Variants in LARGE1 observed in about 807,000 individuals in gnomAD.
LARGE1 encodes LARGE xylosyl- and glucuronyltransferase 1.
Under a neutral mutation model 87.6 loss-of-function variants are expected in LARGE1, and 43 were observed. That is an observed-to-expected ratio of 0.49 (90% CI 0.38 to 0.63). The LOEUF is 0.63. Ranked by LOEUF, LARGE1 falls within the 30% of genes least tolerant of loss-of-function variation. The pLI is 0.00. For synonymous variants in LARGE1, 434 were observed against 394.6 expected (o/e 1.10, Z -1.18); for missense variants, 802 against 1,000.2 (o/e 0.80, Z 2.67).
At position 33,478,598 on chromosome 22, in the gene LARGE1, G is replaced by A. The variant is rs146886436; in HGVS notation, c.788-46333C>T. ...AACTCAGTTTTGCCTTTTGCTATTTGCTACCTGTGACCTTGGCCAAGTCAA... is the reference window on the plus strand; with the variant it reads ...AACTCAGTTTTGCCTTTTGCTATTTACTACCTGTGACCTTGGCCAAGTCAA... On this transcript the variant is annotated intron_variant, in intron 6 of 14. Coordinates refer to ENST00000397394, the MANE Select transcript of LARGE1 (RefSeq NM_133642.5). Among the ~76,000 whole-genome samples, 816 of 152,322 alleles carry A rather than the reference G, an allele frequency of 5.4e-3. 3 individuals are homozygous for A. Among genetic ancestry groups the A allele is most frequent in the Non-Finnish European group, 8.3e-3 (565 of 68,026 alleles).
Position 33,741,461 on chromosome 22 carries a change from A to T in LARGE1, c.106+19910T>A, listed in dbSNP as rs552236177. 4.6e-5 allele frequency among the ~76,000 whole-genome samples: 7 copies of T among 152,374 alleles called. 1 individual carries two copies. The East Asian group carries it at 1.4e-3, about 29-fold the overall frequency. ...CTATAGAAAGACCAACAACTGAAGC[A>T]TCAAATATTAGTCACCTGGATTAGT... On this transcript the variant is annotated intron_variant, in intron 2 of 14. Transcript: ENST00000397394.
intron 9 of LARGE1, among the ~76,000 whole-genome samples, chr22:33,340,409 G>A (rs1326945340): frequency 6.6e-6 from 1 of 151,802 alleles, no homozygotes; most frequent in Non-Finnish European, 1.5e-5. Flanking sequence ...GGGTCCAAGG[G>A]GACAGGTTGA....
At chr22:33,128,599 C>A in the LARGE1 span, among the ~76,000 whole-genome samples, 3 of 149,050 alleles carry the variant, frequency 2.0e-5, no homozygotes, top group East Asian at 6.1e-4. Context: ...CTCTTGAACC[C>A]AGAAGTGGAG....
intron 1 of LARGE1, among the ~76,000 whole-genome samples, chr22:33,914,620 T>C (rs544115999): frequency 3.9e-5 from 6 of 152,290 alleles, no homozygotes; most frequent in Non-Finnish European, 7.3e-5. Flanking sequence ...AAAGACTTTG[T>C]GATTCTTTTC....
At chr22:33,570,782 A>C (rs752202706) in intron 5 of LARGE1, among the ~76,000 whole-genome samples, 7 of 152,096 alleles carry the variant, frequency 4.6e-5, no homozygotes, top group Non-Finnish European at 8.8e-5. Context: ...GTGATTAGCC[A>C]TGCAACCTTT....
chr22:33,634,942 C>T (rs1187801943), intron 3 of LARGE1, among the ~76,000 whole-genome samples: 1 of 151,884 alleles, frequency 6.6e-6, no homozygotes, highest in Admixed American at 6.6e-5. Flanking sequence ...CATGGTGAAA[C>T]CATTTCTACT....
intron 1 of LARGE1, among the ~76,000 whole-genome samples, chr22:33,784,958 TG>T (rs1345866715): frequency 2.0e-5 from 3 of 151,244 alleles, no homozygotes; most frequent in African/African-American, 7.3e-5. Flanking sequence ...CATGTGTACA[TG>T]GGTATATACA....
chr22:33,489,999 G>A (rs917078584), intron 6 of LARGE1, among the ~76,000 whole-genome samples: 5 of 152,124 alleles, frequency 3.3e-5, no homozygotes, highest in South Asian at 4.2e-4. Context: ...GCTAGAACAC[G>A]GTTTCCCCGC....
chr22:33,301,810 C>A (rs1934183370), intron 12 of LARGE1, among the ~76,000 whole-genome samples: 1 of 152,186 alleles, frequency 6.6e-6, no homozygotes, highest in Non-Finnish European at 1.5e-5. Context: ...TAGAAGGGCA[C>A]ACTAGCTACC....
At position 33,564,873 on chromosome 22, in the gene LARGE1, C is replaced by G; in HGVS notation, c.762G>C (p.Leu254=). The G allele has an allele frequency of 6.2e-7, 1 of 1,614,208 alleles. No individual in the cohort carries two copies. Among genetic ancestry groups the G allele is most frequent in the Non-Finnish European group, 8.5e-7 (1 of 1,180,042 alleles). Reference sequence around the variant, plus strand: ...CTTTGAACTTGTGGAACACAGCCCACAGCTCTGCAATGTCAGTGGCAAAGG... The same window carrying G: ...CTTTGAACTTGTGGAACACAGCCCAGAGCTCTGCAATGTCAGTGGCAAAGG... ...DITFATDIAE[L]WAVFHKFKGQ... The change falls in exon 6 of 15, where the codon CTG becomes CTC. Residue 254 remains leucine, a synonymous_variant. Transcript: ENST00000397394.
At position 33,614,580 on chromosome 22, in the gene LARGE1, C is replaced by T. The variant is rs138026942; in HGVS notation, c.492-10022G>A. On this transcript the variant is annotated intron_variant, in intron 4 of 14. Coordinates refer to ENST00000397394, the MANE Select transcript of LARGE1 (RefSeq NM_133642.5). ...AACCCTGCACTCCAGCCATTTCTCCCTCAGTTCTGCCTGTGACCAGCTCCT... is the reference window on the plus strand; with the variant it reads ...AACCCTGCACTCCAGCCATTTCTCCTTCAGTTCTGCCTGTGACCAGCTCCT... 3.8e-3 allele frequency among the ~76,000 whole-genome samples: 571 copies of T among 152,250 alleles called. 6 individuals are homozygous for T. The highest frequency in any genetic ancestry group is 0.013 in the African/African-American group (533 of 41,534).
chr22:33,866,142 C>T, intron 1 of LARGE1, among the ~76,000 whole-genome samples: 1 of 151,998 alleles, frequency 6.6e-6, no homozygotes, highest in African/African-American at 2.4e-5. Context: ...AGTTAACTAC[C>T]CCATGGTGGA....
chr22:33,871,379 A>C (rs1254259730), intron 1 of LARGE1, among the ~76,000 whole-genome samples: 9 of 152,172 alleles, frequency 5.9e-5, no homozygotes. Context: ...GTGTGCCAGC[A>C]CTGTGTCAGG....
At chr22:33,590,568 C>A (rs1353987422) in intron 5 of LARGE1, among the ~76,000 whole-genome samples, 1 of 152,200 alleles carries the variant, frequency 6.6e-6, no homozygotes, top group Non-Finnish European at 1.5e-5. Flanking sequence ...GGCAGTCCCA[C>A]CACACCACCC....
rs142245114 is a variant in LARGE1 at position 33,301,968 on chromosome 22, G to A, written c.1730+2261C>T. Among the ~76,000 whole-genome samples, 662 of 152,334 alleles carry A rather than the reference G, an allele frequency of 4.3e-3. 4 individuals are homozygous for A. The highest frequency in any genetic ancestry group is 0.015 in the African/African-American group (627 of 41,572). On this transcript the variant is annotated intron_variant, in intron 12 of 14. Coordinates refer to ENST00000397394, the MANE Select transcript of LARGE1 (RefSeq NM_133642.5). ...AATAATTAAATAGTCCTTGCACAGG[G>A]AGTAGAGACCACAGACTCATACGGG...
At chr22:33,068,264 C>T in the LARGE1 span, among the ~76,000 whole-genome samples, 1 of 152,100 alleles carries the variant, frequency 6.6e-6, no homozygotes, top group East Asian at 1.9e-4. Flanking sequence ...AGATTTTTAC[C>T]ACCTTTGAAA....
intron 6 of LARGE1, among the ~76,000 whole-genome samples, chr22:33,518,731 C>A (rs1349732984): frequency 2.0e-5 from 3 of 152,120 alleles, no homozygotes; most frequent in Non-Finnish European, 4.4e-5. Flanking sequence ...GTCACCAGGC[C>A]AAGGAGAATT....
the LARGE1 span, among the ~76,000 whole-genome samples, chr22:33,093,681 TTC>T: frequency 6.6e-6 from 1 of 152,104 alleles, no homozygotes; most frequent in Non-Finnish European, 1.5e-5. Context: ...GGGAATTGTG[TTC>T]TCTTTGGTGG....
At chr22:33,910,004 T>C (rs903931937) in intron 1 of LARGE1, among the ~76,000 whole-genome samples, 1 of 152,138 alleles carries the variant, frequency 6.6e-6, no homozygotes, top group Non-Finnish European at 1.5e-5. Flanking sequence ...CACCCCTCCT[T>C]TGAGTTTGAG....
Sources: gnomAD v4.1 joint callset for allele counts (sites outside exome capture counted in the v4.1 genomes callset) on GRCh38, gnomAD v4.1.1 for gene constraint, MANE v1.5 for transcripts, NCBI Gene and HGNC (gene_info 2026-07-23, HGNC 2026-07-21) for gene names.